Variants in PIK3R4 observed in about 807,000 individuals in gnomAD.
PIK3R4 encodes the protein phosphoinositide 3-kinase regulatory subunit 4.
PIK3R4 carries 46 observed loss-of-function variants against 136.5 expected under a neutral mutation model. That is an observed-to-expected ratio of 0.34 (90% CI 0.27 to 0.43). PIK3R4 has a LOEUF of 0.43. Ranked by LOEUF, PIK3R4 falls within the 20% of genes least tolerant of loss-of-function variation. PIK3R4 has a pLI of 1.00. For synonymous variants in PIK3R4, 557 were observed against 566.7 expected, an observed-to-expected ratio of 0.98 and a Z score of 0.24; for missense variants, 1,331 against 1,649.5, an observed-to-expected ratio of 0.81 and a Z score of 3.35.
intron 7 of PIK3R4, among the ~76,000 whole-genome samples, chr3:130,720,005 C>T (rs193206297): frequency 5.5e-4 from 84 of 152,244 alleles, no homozygotes; most frequent in Non-Finnish European, 5.0e-4. Flanking sequence ...GAACCTGAAG[C>T]AGGGCCACCT....
rs769845457 is a variant in PIK3R4 at position 130,703,822 on chromosome 3, C to G, written c.2999G>C (p.Arg1000Thr). The G allele has an allele frequency of 1.2e-6, 2 of 1,612,420 alleles. No individual in the cohort carries two copies. Among genetic ancestry groups the G allele is most frequent in the African/African-American group, 2.7e-5 (2 of 74,998 alleles). ...HEHKSAVNRI[R>T]VSDEHSLFAT... Reference sequence around the variant, plus strand: ...AAAAAGTGAGTGTTCATCAGAGACTCTAATTCGATTCACAGCAGATTTATG... The same window carrying G: ...AAAAAGTGAGTGTTCATCAGAGACTGTAATTCGATTCACAGCAGATTTATG... Residue 1000 changes from arginine to threonine, a missense_variant, in exon 13 of 20, where the codon AGA becomes ACA. Around this residue, in one of 2 missense-constraint regions of PIK3R4, gnomAD observed 1,180 missense variants for 1,407.0 expected, o/e 0.84. Coordinates refer to ENST00000356763, the MANE Select transcript of PIK3R4 (RefSeq NM_014602.3).
At chr3:130,693,025 AT>A (rs2066527251) in intron 13 of PIK3R4, among the ~76,000 whole-genome samples, 2 of 152,230 alleles carry the variant, frequency 1.3e-5, no homozygotes, top group South Asian at 4.1e-4. Flanking sequence ...GCAATTACTA[AT>A]CTACTTTGTG....
rs778855024 is a variant in PIK3R4, at chr3:130,744,643, C to T, written c.576G>A (p.Arg192=). ...DFNYFFDTSR[R]RTCYIAPERF... is the part of the protein sequence containing the mutation. ...GTTCAGGAGCAATATAGCAAGTTCT[C>T]CTCCGTGATGTGTCAAAGAAATAAT... is the stretch of plus-strand genomic sequence containing the variant. The change falls in exon 2 of 20, where the codon AGG becomes AGA. Residue 192 remains arginine, a synonymous_variant. Transcript: ENST00000356763. 1 of 1,614,240 alleles carries T rather than the reference C, an allele frequency of 6.2e-7. No individual in the cohort carries two copies. The highest frequency in any genetic ancestry group is 8.5e-7 in the Non-Finnish European group (1 of 1,180,050).
chr3:130,685,466 A>G (rs1559819404), intron 15 of PIK3R4, among the ~76,000 whole-genome samples: 1 of 152,220 alleles, frequency 6.6e-6, no homozygotes, highest in Admixed American at 6.5e-5. Flanking sequence ...TAATGGAAAT[A>G]TATGTCCTTA....
rs759882118 is a variant in PIK3R4 at position 130,705,803 on chromosome 3, G to A, written c.2722-32C>T. Reference sequence around the variant, plus strand: ...AACAAATAGAATTCTAACTATTTACGTCGTAAGCAAAGTATATTTGAAGAC... The same window carrying A: ...AACAAATAGAATTCTAACTATTTACATCGTAAGCAAAGTATATTTGAAGAC... On this transcript the variant is annotated intron_variant, in intron 11 of 19. Coordinates refer to ENST00000356763, the MANE Select transcript of PIK3R4 (RefSeq NM_014602.3). 2.0e-5 allele frequency: 27 copies of A among 1,319,800 alleles called. 1 individual carries two copies. Among genetic ancestry groups the A allele is most frequent in the South Asian group, 2.0e-4 (17 of 83,718 alleles). 81.8% of individuals were successfully genotyped at this position (1,319,800 alleles called of 1,614,324 possible).
rs754781434 is a variant in PIK3R4, at chr3:130,690,552, C to T, written c.3201G>A (p.Gln1067=). 4.3e-6 allele frequency: 7 copies of T among 1,613,432 alleles called. No homozygotes were observed. In the Admixed American group the frequency reaches 1.2e-4, roughly 27 times the overall value. ...GCTTAGAAGCCTCAATTCCAAGAAG[C>T]TGGACAGCACCATTATCAGATGCTA... The part of the protein sequence containing the change: ...LAIASDNGAV[Q]LLGIEASKLP... The change falls in exon 14 of 20, where the codon CAG becomes CAA. Residue 1067 remains glutamine (Q), a synonymous_variant. Coordinates refer to ENST00000356763, the MANE Select transcript of PIK3R4 (RefSeq NM_014602.3).
chr3:130,680,410 G>C (rs1328243734), intron 19 of PIK3R4: 1 of 371,584 alleles, frequency 2.7e-6, no homozygotes, highest in African/African-American at 2.2e-5. Flanking sequence ...GGTCATTTGA[G>C]CTATTACTTA....
intron 1 of PIK3R4, 111 bp from the exon 2 acceptor site, chr3:130,745,375 C>T (rs1021208449): frequency 5.8e-6 from 4 of 685,064 alleles, no homozygotes; most frequent in African/African-American, 1.8e-5. Flanking sequence ...GCATACTTCT[C>T]TTCCACTAAC....
At position 130,744,977 on chromosome 3, in the gene PIK3R4, G is replaced by A; in HGVS notation, c.242C>T (p.Ala81Val). Reference sequence around the variant, plus strand: ...TTTCTGGAAAGGTAGACAATTCTGTGCAGAATTAAGCCTGATTTTCAGTTC... The same window carrying A: ...TTTCTGGAAAGGTAGACAATTCTGTACAGAATTAAGCCTGATTTTCAGTTC... Reference protein sequence around the residue: ...LEELKIRLNSAQNCLPFQKAS... With the variant: ...LEELKIRLNSVQNCLPFQKAS... Residue 81 changes from alanine to valine, a missense_variant, in exon 2 of 20, where the codon GCA (alanine) becomes GTA (valine). Physicochemically the swap from Ala to Val is moderately conservative, Grantham distance 64 (BLOSUM62 0). This residue lies in a region of PIK3R4 where 151 missense variants were observed against 242.5 expected (regional missense o/e 0.62). Transcript: ENST00000356763. 1 of 1,614,062 alleles carries A rather than the reference G, an allele frequency of 6.2e-7. No individual in the cohort carries two copies. Among genetic ancestry groups the A allele is most frequent in the Non-Finnish European group, 8.5e-7 (1 of 1,180,018 alleles).
chr3:130,712,559 T>C (rs2066638273), intron 9 of PIK3R4, among the ~76,000 whole-genome samples: 1 of 151,780 alleles, frequency 6.6e-6, no homozygotes, highest in Admixed American at 6.6e-5. Flanking sequence ...TACCAGCTAC[T>C]CAGGGGGCTG....
At chr3:130,742,274 T>C (rs2066828231) in intron 2 of PIK3R4, among the ~76,000 whole-genome samples, 1 of 152,168 alleles carries the variant, frequency 6.6e-6, no homozygotes, top group East Asian at 1.9e-4. Context: ...CTCTTTGGTC[T>C]GGAAAAATAA....
Position 130,733,661 on chromosome 3 carries a change from G to C in PIK3R4, c.1337C>G (p.Ala446Gly), listed in dbSNP as rs780041308. The C allele has an allele frequency of 6.2e-7, 1 of 1,614,030 alleles. No individual in the cohort carries two copies. Among genetic ancestry groups the C allele is most frequent in the South Asian group, 1.1e-5 (1 of 91,084 alleles). Residue 446 changes from alanine (A) to glycine (G), a missense_variant, in exon 4 of 20, where the codon GCT becomes GGT. By Grantham distance (60) the Ala-to-Gly change is moderately conservative. Around this residue, in one of 2 missense-constraint regions of PIK3R4, gnomAD observed 1,180 missense variants for 1,407.0 expected, o/e 0.84. Transcript: ENST00000356763. The part of the protein sequence containing the change: ...EALRTLTKVL[A>G]LVKEVPRNDI... The stretch of plus-strand genomic sequence containing the variant: ...ATTACGAGGAACCTCTTTGACGAGA[G>C]CAAGAACTTTGGTCAACGTCCTCAA...
At position 130,686,432 on chromosome 3, in the gene PIK3R4, T is replaced by A; in HGVS notation, c.3264-10A>T. 1 of 1,547,758 alleles carries A rather than the reference T, an allele frequency of 6.5e-7. No individual in the cohort carries two copies. The highest frequency in any genetic ancestry group is 1.7e-4 in the Middle Eastern group (1 of 5,940). ...CTTCTGATCTAGAATTCTAGAGAAATACACAAAGCACAGACGTTTCCAGTC... is the reference window on the plus strand; with the variant it reads ...CTTCTGATCTAGAATTCTAGAGAAAAACACAAAGCACAGACGTTTCCAGTC... On this transcript the variant is annotated splice_polypyrimidine_tract_variant and intron_variant, in intron 14 of 19. Transcript: ENST00000356763.
chr3:130,704,887 G>A (rs1475283170), intron 12 of PIK3R4, among the ~76,000 whole-genome samples: 1 of 152,076 alleles, frequency 6.6e-6, no homozygotes, highest in African/African-American at 2.4e-5. Flanking sequence ...CTGGAATGCA[G>A]TGATATAATC....
intron 19 of PIK3R4, among the ~76,000 whole-genome samples, chr3:130,680,060 CAA>C (rs1163413860): frequency 0.017 from 1,092 of 65,512 alleles, 3 homozygotes; most frequent in East Asian, 0.074. Context: ...GACTCCATCT[CAA>C]AAAAAAAAAA....
At chr3:130,711,996 A>G (rs1300174271) in intron 9 of PIK3R4, among the ~76,000 whole-genome samples, 1 of 152,230 alleles carries the variant, frequency 6.6e-6, no homozygotes, top group Non-Finnish European at 1.5e-5. Flanking sequence ...TGTATTATTT[A>G]TTAGCACCTG....
chr3:130,744,390 C>T, intron 2 of PIK3R4, 96 bp downstream of exon 2: 1 of 1,349,604 alleles, frequency 7.4e-7, no homozygotes, highest in African/African-American at 1.5e-5. Context: ...AAGACATTAA[C>T]TTTTCAATAT....
In PIK3R4 at chr3:130,744,999, G is replaced by A; in HGVS notation, c.220C>T (p.Leu74=). 6.2e-7 allele frequency: 1 copy of A among 1,613,986 alleles called. No individual in the cohort carries two copies. Among genetic ancestry groups the A allele is most frequent in the Non-Finnish European group, 8.5e-7 (1 of 1,180,018 alleles). ...TGTGCAGAATTAAGCCTGATTTTCA[G>A]TTCCTCCAGCTCTTGTTTATAGCTG... The part of the protein sequence containing the change: ...LTSYKQELEE[L]KIRLNSAQNC... Residue 74 remains leucine (L), a synonymous_variant, in exon 2 of 20, where the codon CTG becomes TTG. Coordinates refer to ENST00000356763, the MANE Select transcript of PIK3R4 (RefSeq NM_014602.3).
intron 13 of PIK3R4, among the ~76,000 whole-genome samples, chr3:130,698,410 C>G (rs1327366659): frequency 6.6e-6 from 1 of 152,114 alleles, no homozygotes; most frequent in African/African-American, 2.4e-5. Context: ...CTTCTTTGTA[C>G]CTCTGACTGG....
Sources: gnomAD v4.1 joint callset for allele counts (sites outside exome capture counted in the v4.1 genomes callset) on GRCh38, gnomAD v4.1.1 for gene constraint, gnomAD v4.1.1 regional missense constraint, MANE v1.5 for transcripts, NCBI Gene and HGNC (gene_info 2026-07-23, HGNC 2026-07-21) for gene names.